ZNF804B: variants seen among roughly 807,000 people sequenced by gnomAD.
The protein encoded by ZNF804B is zinc finger 804B.
A neutral mutation model predicts 101.4 loss-of-function variants in ZNF804B; 80 were observed. That is an observed-to-expected ratio of 0.79 (90% CI 0.66 to 0.95). The LOEUF is 0.95. Among genes scored for constraint, ZNF804B ranks in the 40% least tolerant of loss-of-function variants. The pLI, the probability that ZNF804B is intolerant of heterozygous loss-of-function variation, is 0.00. For missense variants in ZNF804B, 1,673 were observed against 1,561.9 expected, an observed-to-expected ratio of 1.07 and a Z score of -1.20; for synonymous variants, 622 against 558.8, an observed-to-expected ratio of 1.11 and a Z score of -1.59.
At chr7:88,854,479 TTCCTTTC>T (rs1562812794) in intron 1 of ZNF804B, among the ~76,000 whole-genome samples, 15 of 50,472 alleles carry the variant, frequency 3.0e-4, no homozygotes, top group African/African-American at 1.8e-3. Flanking sequence ...TTCTTTCTCT[TTCCTTTC>T]CTTTCCTTTC....
At chr7:88,925,589 C>A (rs960845987) in intron 1 of ZNF804B, among the ~76,000 whole-genome samples, 1 of 152,030 alleles carries the variant, frequency 6.6e-6, no homozygotes, top group African/African-American at 2.4e-5. Flanking sequence ...AGAAGATAAA[C>A]CTGTTGACAG....
At chr7:88,933,335 T>C (rs918359034) in intron 1 of ZNF804B, among the ~76,000 whole-genome samples, 2 of 151,516 alleles carry the variant, frequency 1.3e-5, no homozygotes, top group African/African-American at 4.8e-5. Context: ...CAACATCATA[T>C]TGAATCAGGA....
chr7:88,984,637 A>G (rs932308663), intron 1 of ZNF804B, among the ~76,000 whole-genome samples: 3 of 152,072 alleles, frequency 2.0e-5, no homozygotes, highest in Admixed American at 1.3e-4. Flanking sequence ...GGGAGTATCA[A>G]TGCAAAAATT....
rs200617872 is a variant in ZNF804B, at chr7:88,886,356, G to A, written c.108+126272G>A. Among the ~76,000 whole-genome samples the A allele has an allele frequency of 5.3e-5, 8 of 152,060 alleles. No individual in the cohort carries two copies. The East Asian group carries it at 7.7e-4, about 15-fold the overall frequency. ...CAGAAAAGATAACTATTGTGTATTGGGCTTAATACCTGGGTGATGAAGTAA... is the reference window on the plus strand; with the variant it reads ...CAGAAAAGATAACTATTGTGTATTGAGCTTAATACCTGGGTGATGAAGTAA... On this transcript the variant is annotated intron_variant, in intron 1 of 3. Coordinates refer to ENST00000333190, the MANE Select transcript of ZNF804B (RefSeq NM_181646.5).
chr7:89,119,113 T>C lies in ZNF804B; in HGVS notation c.109-99042T>C, dbSNP rs193187011. Among the ~76,000 whole-genome samples, 8 of 152,330 alleles carry C rather than the reference T, an allele frequency of 5.3e-5. No homozygotes were observed. In the East Asian group the frequency reaches 1.5e-3, roughly 29 times the overall value. On this transcript the variant is annotated intron_variant, in intron 1 of 3. Transcript: ENST00000333190. ...GGTATAACATTTTGAGTGCTTATTA[T>C]GTTTTAAGCACTGGGCTAGCCCCTT...
chr7:89,218,121 A>G (rs1053296366), intron 1 of ZNF804B, 34 bp from the exon 2 acceptor site: 2 of 1,598,444 alleles, frequency 1.3e-6, no homozygotes, highest in Non-Finnish European at 1.7e-6. Context: ...ATTAGAGAGA[A>G]GTCTAACCAA....
At position 89,335,873 on chromosome 7, in the gene ZNF804B, C is replaced by T; in HGVS notation, c.2891C>T (p.Thr964Ile). ...ELEAPSQVPC[T>I]IQLAPSGCNR... ...GAGGCTCCTTCGCAAGTCCCATGCA[C>T]AATTCAACTTGCACCATCAGGCTGT... Residue 964 changes from threonine (T) to isoleucine (I), a missense_variant, in exon 4 of 4, where the codon ACA (threonine) becomes ATA (isoleucine). By Grantham distance (89) the Thr-to-Ile change is moderately conservative. Transcript: ENST00000333190. 1 of 1,614,082 alleles carries T rather than the reference C, an allele frequency of 6.2e-7. No homozygotes were observed. The highest frequency in any genetic ancestry group is 8.5e-7 in the Non-Finnish European group (1 of 1,179,978).
At chr7:88,806,724 T>C (rs1790698700) in intron 1 of ZNF804B, among the ~76,000 whole-genome samples, 1 of 152,070 alleles carries the variant, frequency 6.6e-6, no homozygotes, top group Admixed American at 6.6e-5. Flanking sequence ...AAGCATACTT[T>C]TAAGCTTTGC....
chr7:89,054,278 T>C (rs1329864398), intron 1 of ZNF804B, among the ~76,000 whole-genome samples: 1 of 148,012 alleles, frequency 6.8e-6, no homozygotes, highest in Non-Finnish European at 1.5e-5. Context: ...TATATTCATA[T>C]ATACTTATAT....
At chr7:89,137,469 T>A (rs1790654720) in intron 1 of ZNF804B, among the ~76,000 whole-genome samples, 1 of 152,036 alleles carries the variant, frequency 6.6e-6, no homozygotes, top group Non-Finnish European at 1.5e-5. Flanking sequence ...TAAAGGTGAC[T>A]CTTGTTATGT....
rs146117670 is a variant in ZNF804B, at chr7:89,200,130, G to A, written c.109-18025G>A. 8.7e-3 allele frequency among the ~76,000 whole-genome samples: 1,328 copies of A among 151,882 alleles called. 7 individuals carry two copies. Among genetic ancestry groups the A allele is most frequent in the Non-Finnish European group, 0.015 (1,004 of 67,900 alleles). ...CCTCATTTTATAGAGGTTAAGTGAT[G>A]CACTGAAGATCATTGAGTTTGCATA... is the stretch of plus-strand genomic sequence containing the variant. On this transcript the variant is annotated intron_variant, in intron 1 of 3. Coordinates refer to ENST00000333190, the MANE Select transcript of ZNF804B (RefSeq NM_181646.5).
At chr7:89,177,016 G>A (rs541231929) in intron 1 of ZNF804B, among the ~76,000 whole-genome samples, 15 of 151,876 alleles carry the variant, frequency 9.9e-5, no homozygotes, top group Non-Finnish European at 1.9e-4. Flanking sequence ...ATTTACTTCA[G>A]TCTTCTCCTT....
At chr7:89,201,911 G>T (rs752709581) in intron 1 of ZNF804B, among the ~76,000 whole-genome samples, 2 of 151,966 alleles carry the variant, frequency 1.3e-5, no homozygotes, top group Non-Finnish European at 2.9e-5. Flanking sequence ...TTCTGCTTAG[G>T]TATGTACCTG....
At chr7:89,223,270 A>G (rs976065335) in intron 2 of ZNF804B, among the ~76,000 whole-genome samples, 2 of 151,906 alleles carry the variant, frequency 1.3e-5, no homozygotes, top group Non-Finnish European at 2.9e-5. Context: ...CCAAATGCTC[A>G]TGAAATCCAT....
intron 2 of ZNF804B, among the ~76,000 whole-genome samples, chr7:89,281,766 A>G (rs373857951): frequency 1.3e-5 from 2 of 152,176 alleles, no homozygotes; most frequent in African/African-American, 4.8e-5. Context: ...TAAACAGGTA[A>G]GAAACCCAAA....
intron 1 of ZNF804B, among the ~76,000 whole-genome samples, chr7:89,049,769 T>C (rs1307314657): frequency 1.3e-5 from 2 of 152,094 alleles, no homozygotes; most frequent in Non-Finnish European, 2.9e-5. Context: ...CCCAGCACTT[T>C]GGGAGGCCAA....
At chr7:88,970,766 A>G (rs1793523938) in intron 1 of ZNF804B, among the ~76,000 whole-genome samples, 1 of 142,166 alleles carries the variant, frequency 7.0e-6, no homozygotes. Flanking sequence ...GGAATTGAAC[A>G]ATGAGAACAC....
intron 1 of ZNF804B, among the ~76,000 whole-genome samples, chr7:88,762,277 A>G (rs1023767070): frequency 2.6e-5 from 4 of 152,132 alleles, no homozygotes. Context: ...GGCTTTTTCA[A>G]TATTTGAATA....
chr7:88,770,111 A>G (rs2519950), intron 1 of ZNF804B, among the ~76,000 whole-genome samples: 59,176 of 152,022 alleles, frequency 0.39, 13,113 homozygotes, highest in African/African-American at 0.6. Context: ...AGCAATCTAG[A>G]TTCTTTTACC....
Sources: gnomAD v4.1 joint callset for allele counts (sites outside exome capture counted in the v4.1 genomes callset) on GRCh38, gnomAD v4.1.1 for gene constraint, MANE v1.5 for transcripts, NCBI Gene and HGNC (gene_info 2026-07-23, HGNC 2026-07-21) for gene names.